ENAH: variants seen among roughly 807,000 people sequenced by gnomAD.
The protein encoded by ENAH is protein enabled homolog.
ENAH carries 23 observed loss-of-function variants against 78.7 expected under a neutral mutation model. The ratio of observed to expected loss-of-function variants is 0.29; its 90% CI spans 0.21 to 0.41. The LOEUF (loss-of-function observed/expected upper bound fraction) is 0.41, where lower values mean the gene tolerates loss of function less well. ENAH is among the 10% of genes least tolerant of loss of function. The probability of loss-of-function intolerance (pLI) is 1.00; values close to 1 mark genes in which losing one functional copy is unlikely to be tolerated. For missense variants in ENAH, 544 were observed against 691.0 expected (o/e 0.79, Z 2.39); for synonymous variants, 226 against 241.0 (o/e 0.94, Z 0.58).
chr1:225,569,115 T>G (rs1316501102), intron 1 of ENAH, among the ~76,000 whole-genome samples: 1 of 152,214 alleles, frequency 6.6e-6, no homozygotes, highest in Non-Finnish European at 1.5e-5. Flanking sequence ...GTGATGACAT[T>G]TACATAACCC....
intron 10 of ENAH, among the ~76,000 whole-genome samples, chr1:225,511,275 T>G (rs1301653391): frequency 6.6e-6 from 1 of 152,224 alleles, no homozygotes; most frequent in African/African-American, 2.4e-5. Flanking sequence ...ATTCTCATCT[T>G]GGATACAGTA....
intron 1 of ENAH, among the ~76,000 whole-genome samples, chr1:225,624,968 C>T (rs1372853310): frequency 6.6e-6 from 1 of 152,158 alleles, no homozygotes; most frequent in Non-Finnish European, 1.5e-5. Flanking sequence ...AAACAGCTGA[C>T]CCCTTAATGT....
At chr1:225,587,740 T>A (rs1272303170) in intron 1 of ENAH, among the ~76,000 whole-genome samples, 1 of 152,182 alleles carries the variant, frequency 6.6e-6, no homozygotes, top group Admixed American at 6.5e-5. Context: ...TAATAGTATC[T>A]GATTTCAAGA....
chr1:225,497,760 C>A lies in ENAH; in HGVS notation c.*15G>T. The A allele has an allele frequency of 6.2e-7, 1 of 1,610,516 alleles. No homozygotes were observed. The highest frequency in any genetic ancestry group is 1.1e-5 in the South Asian group (1 of 90,636). ...TCCTCCAGATTAAAGTCCTATCTCT[C>A]CTTAGTCTGTTCCTCTATGCAGTAT... On this transcript the variant is annotated 3_prime_UTR_variant, in exon 14 of 14. Transcript: ENST00000366843.
rs117554955 is a variant in ENAH, at chr1:225,524,138, A to G, written c.435-4573T>C. 6.6e-5 allele frequency among the ~76,000 whole-genome samples: 10 copies of G among 152,310 alleles called. No individual in the cohort carries two copies. The East Asian group carries it at 1.7e-3, about 26-fold the overall frequency. On this transcript the variant is annotated intron_variant, in intron 4 of 13. Coordinates refer to ENST00000366843, the MANE Select transcript of ENAH (RefSeq NM_018212.6). ...CAGACACAGTTCCTCCACCACCCAA[A>G]TACCTATTTCTCTCCAAAACAGCTA... is the stretch of plus-strand genomic sequence containing the variant.
chr1:225,578,151 G>A (rs191782615), intron 1 of ENAH, among the ~76,000 whole-genome samples: 20 of 152,146 alleles, frequency 1.3e-4, no homozygotes, highest in African/African-American at 4.6e-4. Flanking sequence ...AAAAGCTCTG[G>A]AGACCGAAAA....
At chr1:225,501,235 AAC>A (rs2096280639) in intron 11 of ENAH, 165 bp from the exon 12 acceptor site, 1 of 504,050 alleles carries the variant, frequency 2.0e-6, no homozygotes, top group African/African-American at 2.0e-5. Flanking sequence ...TAGAACATAA[AAC>A]AACATTTTTT....
chr1:225,627,162 C>A (rs937858571), intron 1 of ENAH, among the ~76,000 whole-genome samples: 1 of 152,108 alleles, frequency 6.6e-6, no homozygotes, highest in East Asian at 1.9e-4. Context: ...TAGCCCCCTG[C>A]GTTATTTTTA....
intron 3 of ENAH, among the ~76,000 whole-genome samples, chr1:225,548,122 G>C (rs2096623717): frequency 6.6e-6 from 1 of 150,732 alleles, no homozygotes; most frequent in Non-Finnish European, 1.5e-5. Flanking sequence ...TCTTTACCGG[G>C]CAGTTAAGAC....
chr1:225,622,470 T>TA (rs1657164807), intron 1 of ENAH, among the ~76,000 whole-genome samples: 1 of 152,210 alleles, frequency 6.6e-6, no homozygotes, highest in African/African-American at 2.4e-5. Context: ...AAATATTTGA[T>TA]AAGCTATGTG....
intron 1 of ENAH, among the ~76,000 whole-genome samples, chr1:225,617,523 AT>A (rs1656009557): frequency 6.6e-6 from 1 of 152,236 alleles, no homozygotes; most frequent in Non-Finnish European, 1.5e-5. Context: ...TATCTGTGGT[AT>A]TAAAAAAGTA....
chr1:225,641,020 C>A (rs191114053), intron 1 of ENAH, among the ~76,000 whole-genome samples: 1 of 151,464 alleles, frequency 6.6e-6, no homozygotes, highest in Admixed American at 6.6e-5. Context: ...CCCGCCACCA[C>A]GCCTGACTAA....
At position 225,507,876 on chromosome 1, in the gene ENAH, T is replaced by C. The variant is rs558538114; in HGVS notation, c.1538+75A>G. 1.0e-5 allele frequency: 11 copies of C among 1,087,570 alleles called. No individual in the cohort carries two copies. In the East Asian group the frequency reaches 3.0e-4, roughly 30 times the overall value. The allele number at this position is 1,087,570 out of a possible 1,614,324, so 67.4% of individuals were successfully genotyped here. ...TCTGTATAATTTCTTACCATTCAAT[T>C]TTTTTCTACACTAAGAATGCATTAA... On this transcript the variant is annotated intron_variant, in intron 11 of 13. Transcript: ENST00000366843.
At chr1:225,653,333 A>G (rs1243261009), upstream of ENAH, among the ~76,000 whole-genome samples, 2 of 149,862 alleles carry the variant, frequency 1.3e-5, no homozygotes, top group Non-Finnish European at 3.0e-5. This position sits in a 1 kb window ranked among gnomAD's most constrained non-coding sequence, Gnocchi z 4.3. Context: ...AGCGAGCGCG[A>G]CGGCGGCGGC....
rs570612891 is a variant in ENAH, at chr1:225,610,767, G to A, written c.5+41919C>T. Among the ~76,000 whole-genome samples the A allele has an allele frequency of 2.0e-5, 3 of 152,278 alleles. No individual in the cohort carries two copies. The South Asian group carries it at 6.2e-4, about 32-fold the overall frequency. On this transcript the variant is annotated intron_variant, in intron 1 of 13. Transcript: ENST00000366843. ...CACCAATGGCGACATTTTAACGCTA[G>A]TACGATCAACCACTCCAAAAGCTGT...
In ENAH at chr1:225,512,666, C is replaced by T. The variant is rs751219924; in HGVS notation, c.1413G>A (p.Glu471=). The change falls in exon 9 of 14, where the codon GAG becomes GAA. Residue 471 remains glutamate (E), a synonymous_variant. Coordinates refer to ENST00000366843, the MANE Select transcript of ENAH (RefSeq NM_018212.6). Reference sequence around the variant, plus strand: ...ATCTTTATTAACTTACACCTTTGTCCTCTTTTTGTTCTGTTTCTATTGTTG... The same window carrying T: ...ATCTTTATTAACTTACACCTTTGTCTTCTTTTTGTTCTGTTTCTATTGTTG... The part of the protein sequence containing the change: ...KGSTIETEQK[E]DKGEDSEPVT... 3.3e-5 allele frequency: 53 copies of T among 1,613,120 alleles called. No individual in the cohort carries two copies. The highest frequency in any genetic ancestry group is 3.4e-6 in the Non-Finnish European group (4 of 1,179,600).
At chr1:225,511,510 G>A (rs2096376596) in intron 10 of ENAH, among the ~76,000 whole-genome samples, 5 of 152,304 alleles carry the variant, frequency 3.3e-5, no homozygotes, top group Admixed American at 3.3e-4. Flanking sequence ...ATGTTCTGAA[G>A]CAGACTGTAG....
chr1:225,652,597 G>C, intron 1 of ENAH, 89 bp downstream of exon 1: 1 of 1,199,296 alleles, frequency 8.3e-7, no homozygotes, highest in South Asian at 3.1e-5. Context: ...CGCCGGGCCG[G>C]GAGAGGGAAG....
intron 3 of ENAH, among the ~76,000 whole-genome samples, chr1:225,532,176 G>C (rs2151271223): frequency 6.6e-6 from 1 of 152,074 alleles, no homozygotes; most frequent in East Asian, 1.9e-4. Flanking sequence ...TCTCCTATTA[G>C]GCTATACACA....
Sources: gnomAD v4.1 joint callset for allele counts (sites outside exome capture counted in the v4.1 genomes callset) on GRCh38, gnomAD v4.1.1 for gene constraint, Gnocchi (gnomAD v3.1) non-coding constraint, MANE v1.5 for transcripts, NCBI Gene and HGNC (gene_info 2026-07-23, HGNC 2026-07-21) for gene names.